Variants in PARG observed in about 807,000 individuals in gnomAD.
PARG encodes mitochondrial poly(ADP-ribose) glycohydrolase.
Under a neutral mutation model 113.0 loss-of-function variants are expected in PARG, and 35 were observed. The ratio of observed to expected loss-of-function variants is 0.31; its 90% CI spans 0.24 to 0.41. PARG has a LOEUF of 0.41. Among genes scored for constraint, PARG ranks in the 10% least tolerant of loss-of-function variants. The pLI is 1.00. For synonymous variants in PARG, 330 were observed against 409.9 expected (o/e 0.81, Z 2.36); for missense variants, 797 against 1,169.4 (o/e 0.68, Z 4.64).
intron 4 of PARG, among the ~76,000 whole-genome samples, chr10:49,925,686 A>G (rs1279794464): frequency 1.3e-5 from 2 of 152,350 alleles, no homozygotes; most frequent in Non-Finnish European, 2.9e-5. Context: ...TGGAAAGAAG[A>G]CTGTCAAACA....
chr10:49,831,982 G>A (rs1844692567), intron 16 of PARG, among the ~76,000 whole-genome samples: 1 of 152,142 alleles, frequency 6.6e-6, no homozygotes, highest in African/African-American at 2.4e-5. Flanking sequence ...CGAGATCTGC[G>A]ATTACTCCAG....
Position 49,934,087 on chromosome 10 carries a change from G to A in PARG, c.361C>T (p.His121Tyr), listed in dbSNP as rs1838624218. The change falls in exon 3 of 18, where the codon CAT (histidine) becomes TAT (tyrosine). Residue 121 changes from histidine (H) to tyrosine (Y), a missense_variant. Around this residue, in one of 5 missense-constraint regions of PARG, gnomAD observed 284 missense variants for 306.1 expected, o/e 0.93. Transcript: ENST00000616448. ...ACATTTTCTAATTTTTCTACATTAT[G>A]TTGGTAAAAGTTATCTTTTTGTACA... ...SSVQKDNFYQHNVEKLENVSQ... is the reference protein window; with the variant it reads ...SSVQKDNFYQYNVEKLENVSQ... 4 of 1,434,344 alleles carry A rather than the reference G, an allele frequency of 2.8e-6. No individual in the cohort carries two copies. In the Admixed American group the frequency reaches 6.7e-5, roughly 24 times the overall value. The allele number at this position is 1,434,344 out of a possible 1,614,324, so 88.9% of individuals were successfully genotyped here. A position where few individuals can be genotyped will look rare whatever the true frequency, so the allele number is the denominator to read the frequency against.
At chr10:49,886,905 C>A (rs1480154937) in intron 7 of PARG, among the ~76,000 whole-genome samples, 1 of 152,088 alleles carries the variant, frequency 6.6e-6, no homozygotes, top group African/African-American at 2.4e-5. Flanking sequence ...TTTAAAAAAT[C>A]ATATATTCAT....
At chr10:49,884,056 T>C (rs1326772345) in intron 8 of PARG, among the ~76,000 whole-genome samples, 2 of 152,010 alleles carry the variant, frequency 1.3e-5, no homozygotes, top group Non-Finnish European at 2.9e-5. Context: ...GCTCTGTAAG[T>C]AAGCCAACTT....
At chr10:49,891,040 C>T (rs1303326963) in intron 7 of PARG, among the ~76,000 whole-genome samples, 4 of 152,186 alleles carry the variant, frequency 2.6e-5, no homozygotes, top group Non-Finnish European at 4.4e-5. Flanking sequence ...TCAGGCCGGG[C>T]GTGGTGGCTC....
chr10:49,863,094 C>T (rs1319381738), intron 11 of PARG, among the ~76,000 whole-genome samples: 2 of 151,236 alleles, frequency 1.3e-5, no homozygotes, highest in African/African-American at 4.9e-5. Flanking sequence ...TCTAACTTCC[C>T]AGTAGGTCAT....
At chr10:49,865,726 T>C (rs1230489791) in intron 10 of PARG, among the ~76,000 whole-genome samples, 1 of 150,088 alleles carries the variant, frequency 6.7e-6, no homozygotes, top group East Asian at 2.0e-4. Context: ...AAAAAAAGCA[T>C]TGAAAAAAAG....
rs1839100185 is a variant in PARG, at chr10:49,941,807, C to T, written c.-82G>A. 2.6e-6 allele frequency: 4 copies of T among 1,534,132 alleles called. No homozygotes were observed. Among genetic ancestry groups the T allele is most frequent in the Admixed American group, 3.9e-5 (2 of 50,984 alleles). On this transcript the variant is annotated 5_prime_UTR_variant, in exon 1 of 18. Transcript: ENST00000616448. The stretch of plus-strand genomic sequence containing the variant: ...TAACCCTGAGAGAGATGGACTGCGC[C>T]TCCTTCTCAGCGCCTGCCTGCACCA...
At chr10:49,915,013 G>T (rs2132840952) in intron 7 of PARG, among the ~76,000 whole-genome samples, 1 of 152,010 alleles carries the variant, frequency 6.6e-6, no homozygotes, top group East Asian at 1.9e-4. Flanking sequence ...CACAAAATGG[G>T]TAATGGTCAT....
intron 7 of PARG, among the ~76,000 whole-genome samples, chr10:49,897,248 T>A (rs1554842960): frequency 6.6e-6 from 1 of 151,148 alleles, no homozygotes; most frequent in Non-Finnish European, 1.5e-5. Context: ...TGCAGAGATG[T>A]GGTCAGAATT....
chr10:49,909,791 C>T (rs1837063495), intron 7 of PARG: 1 of 157,428 alleles, frequency 6.4e-6, no homozygotes, highest in African/African-American at 2.4e-5. Flanking sequence ...AAAGTGACTC[C>T]TGGTGGCAAA....
chr10:49,846,162 A>G (rs1249047251), intron 13 of PARG, among the ~76,000 whole-genome samples: 3 of 151,580 alleles, frequency 2.0e-5, no homozygotes, highest in Non-Finnish European at 4.4e-5. Context: ...AAAGGGATAG[A>G]ACCACTGACA....
At chr10:49,848,164 C>T (rs1554833623) in intron 13 of PARG, among the ~76,000 whole-genome samples, 1 of 147,518 alleles carries the variant, frequency 6.8e-6, no homozygotes, top group East Asian at 2.0e-4. Flanking sequence ...TCGTGGCCAA[C>T]GTGGTGAAAC....
intron 13 of PARG, 131 bp from the exon 14 acceptor site, chr10:49,843,763 G>A: frequency 3.3e-6 from 2 of 606,862 alleles, no homozygotes; most frequent in Admixed American, 2.9e-5. Context: ...AATAAGGCAA[G>A]AAAATAAACA....
At chr10:49,852,472 T>C (rs551683946) in intron 13 of PARG, among the ~76,000 whole-genome samples, 3 of 151,696 alleles carry the variant, frequency 2.0e-5, no homozygotes, top group South Asian at 2.1e-4. Context: ...GTTTTCCTTT[T>C]AACATTCCTG....
intron 16 of PARG, among the ~76,000 whole-genome samples, chr10:49,831,921 GTGGA>G (rs782528727): frequency 6.6e-6 from 1 of 152,150 alleles, no homozygotes; most frequent in Admixed American, 6.5e-5. Context: ...CCTGAAACTT[GTGGA>G]TGGAGTCTGA....
intron 15 of PARG, among the ~76,000 whole-genome samples, chr10:49,839,613 C>T (rs2132435760): frequency 6.6e-6 from 1 of 152,306 alleles, no homozygotes; most frequent in South Asian, 2.1e-4. Context: ...GATGGGCAAA[C>T]TGAAGGTTGG....
intron 6 of PARG, among the ~76,000 whole-genome samples, chr10:49,921,216 C>T (rs1837850812): frequency 6.6e-6 from 1 of 152,166 alleles, no homozygotes; most frequent in South Asian, 2.1e-4. Context: ...TGAATTAATA[C>T]GTAATCAACT....
intron 8 of PARG, among the ~76,000 whole-genome samples, chr10:49,884,069 A>T (rs1228759901): frequency 6.6e-6 from 1 of 151,946 alleles, no homozygotes; most frequent in Non-Finnish European, 1.5e-5. Context: ...GCCAACTTAG[A>T]GGTGTGTCCT....
Sources: allele counts gnomAD v4.1 joint callset (sites outside exome capture counted in the v4.1 genomes callset), GRCh38; gene constraint gnomAD v4.1.1; regional missense constraint gnomAD v4.1.1; transcripts MANE v1.5; gene names NCBI Gene and HGNC (gene_info 2026-07-23, HGNC 2026-07-21).